PTPRN2: variants seen among roughly 807,000 people sequenced by gnomAD.
The protein encoded by PTPRN2 is receptor-type tyrosine-protein phosphatase N2.
Under a neutral mutation model 118.8 loss-of-function variants are expected in PTPRN2, and 74 were observed. That is an observed-to-expected ratio of 0.62 (90% CI 0.52 to 0.76). PTPRN2 has a LOEUF of 0.76. PTPRN2 is among the 30% of genes least tolerant of loss of function. The probability of loss-of-function intolerance (pLI) is 0.00; values close to 1 mark genes in which losing one functional copy is unlikely to be tolerated. For synonymous variants in PTPRN2, 641 were observed against 608.0 expected, an observed-to-expected ratio of 1.05 and a Z score of -0.80; for missense variants, 1,481 against 1,394.4, an observed-to-expected ratio of 1.06 and a Z score of -0.99.
chr7:158,284,351 CTGTG>C (rs1799632497), intron 3 of PTPRN2, among the ~76,000 whole-genome samples: 1 of 152,120 alleles, frequency 6.6e-6, no homozygotes, highest in Admixed American at 6.5e-5. Flanking sequence ...GCACTGGGCA[CTGTG>C]TGTGTGCCAG....
rs1796892218 is a variant in PTPRN2, at chr7:157,893,008, G to C, written c.1788+5665C>G. Reference sequence around the variant, plus strand: ...GGGCCCTCTGGGCACGATGTCCGTGGGGTCAAGAGCTCGAGAAGAACCATC... The same window carrying C: ...GGGCCCTCTGGGCACGATGTCCGTGCGGTCAAGAGCTCGAGAAGAACCATC... On this transcript the variant is annotated intron_variant, in intron 12 of 22. Coordinates refer to ENST00000389418, the MANE Select transcript of PTPRN2 (RefSeq NM_002847.5). The surrounding 1 kb of genome is among the most constrained non-coding windows in gnomAD (Gnocchi z 4.0). Among the ~76,000 whole-genome samples the C allele has an allele frequency of 6.6e-6, 1 of 152,240 alleles. No individual in the cohort carries two copies. The highest frequency in any genetic ancestry group is 2.1e-4 in the South Asian group (1 of 4,826).
intron 11 of PTPRN2, among the ~76,000 whole-genome samples, chr7:158,019,987 C>G (rs1806751582): frequency 6.6e-6 from 1 of 152,246 alleles, no homozygotes; most frequent in South Asian, 2.1e-4. Flanking sequence ...CGGTCCTGCT[C>G]CAAACCACAC....
intron 4 of PTPRN2, among the ~76,000 whole-genome samples, chr7:158,196,994 G>A (rs1388046096): frequency 1.3e-5 from 2 of 152,166 alleles, no homozygotes; most frequent in East Asian, 3.9e-4. Flanking sequence ...ATGAGTCAAG[G>A]AGCACCTGTA....
At chr7:158,501,597 G>A (rs1001503542) in intron 1 of PTPRN2, among the ~76,000 whole-genome samples, 1 of 152,186 alleles carries the variant, frequency 6.6e-6, no homozygotes, top group Non-Finnish European at 1.5e-5. Flanking sequence ...CGCAGGGGGG[G>A]ACCTCCTGCC....
intron 13 of PTPRN2, among the ~76,000 whole-genome samples, chr7:157,675,676 C>G (rs1312139088): frequency 1.3e-5 from 2 of 152,196 alleles, no homozygotes; most frequent in Non-Finnish European, 2.9e-5. Flanking sequence ...GAATCCAACA[C>G]CCATCCCAGC....
intron 1 of PTPRN2, among the ~76,000 whole-genome samples, chr7:158,535,560 G>A (rs1825598462): frequency 6.6e-6 from 1 of 152,082 alleles, no homozygotes; most frequent in Non-Finnish European, 1.5e-5. Context: ...AGCGGCTGGG[G>A]CTTTCTCTGG....
chr7:157,645,480 C>T (rs766580111), intron 14 of PTPRN2, among the ~76,000 whole-genome samples: 1 of 152,332 alleles, frequency 6.6e-6, no homozygotes, highest in East Asian at 1.9e-4. Flanking sequence ...CAATAAGCAT[C>T]CGCGATGACT....
At chr7:158,458,415 C>A (rs569051470) in intron 2 of PTPRN2, among the ~76,000 whole-genome samples, 1 of 152,182 alleles carries the variant, frequency 6.6e-6, no homozygotes, top group Non-Finnish European at 1.5e-5. Flanking sequence ...GAAATATTGA[C>A]ACTGGCCTCA....
intron 12 of PTPRN2, among the ~76,000 whole-genome samples, chr7:157,814,570 G>A (rs1806272533): frequency 8.3e-6 from 1 of 120,490 alleles, no homozygotes; most frequent in Non-Finnish European, 1.6e-5. Context: ...AGGAGAGACG[G>A]GGGGCAGGAG....
intron 11 of PTPRN2, among the ~76,000 whole-genome samples, chr7:158,052,721 T>G (rs1431221477): frequency 6.6e-6 from 1 of 150,732 alleles, no homozygotes. Context: ...GGGGTGCCCT[T>G]TGGACCTCCT....
chr7:157,675,275 G>A (rs751524443), intron 13 of PTPRN2, among the ~76,000 whole-genome samples: 14 of 152,210 alleles, frequency 9.2e-5, no homozygotes, highest in East Asian at 3.9e-4. Flanking sequence ...CCCTCCTGCC[G>A]AGCCCTCACC....
intron 12 of PTPRN2, among the ~76,000 whole-genome samples, chr7:157,778,439 A>G (rs563952424): frequency 6.6e-6 from 1 of 151,858 alleles, no homozygotes; most frequent in East Asian, 1.9e-4. Flanking sequence ...ATGCCCACGT[A>G]AACATGTACA....
intron 2 of PTPRN2, among the ~76,000 whole-genome samples, chr7:158,395,284 TGAGGGGTGAGGGGTGAGGGGC>T (rs1197340953): frequency 0.042 from 295 of 7,088 alleles, no homozygotes; most frequent in Middle Eastern, 0.071. Flanking sequence ...CCTGCACAAG[TGAGGGGTGAGGGGTGAGGGGC>T]GAGGGGTGAG....
At chr7:158,123,409 A>G (rs946870195) in intron 9 of PTPRN2, among the ~76,000 whole-genome samples, 1 of 152,124 alleles carries the variant, frequency 6.6e-6, no homozygotes, top group Non-Finnish European at 1.5e-5. Flanking sequence ...CCGACGCCGC[A>G]GTGACCGACA....
In PTPRN2 at chr7:157,814,616, A is replaced by G. The variant is rs1052918067; in HGVS notation, c.1788+84057T>C. 2.0e-5 allele frequency among the ~76,000 whole-genome samples: 3 copies of G among 151,802 alleles called. No individual in the cohort carries two copies. The South Asian group carries it at 6.3e-4, about 32-fold the overall frequency. ...GGGGCAGGGAGCCACGTCTTCTCCA[A>G]TCCCATATGGGGCCATCTGCCACCC... On this transcript the variant is annotated intron_variant, in intron 12 of 22. Transcript: ENST00000389418.
rs74389202 is a variant in PTPRN2, at chr7:158,552,369, C to T, written c.112+35189G>A. The stretch of plus-strand genomic sequence containing the variant: ...GGGGGGCCCCAGCTCCTAAGTCAGC[C>T]TGAGAAGATCAGTGAGAAAGGTGAC... On this transcript the variant is annotated intron_variant, in intron 1 of 22. Coordinates refer to ENST00000389418, the MANE Select transcript of PTPRN2 (RefSeq NM_002847.5). Among the ~76,000 whole-genome samples, 222 of 152,374 alleles carry T rather than the reference C, an allele frequency of 1.5e-3. 3 individuals carry two copies. In the East Asian group the frequency reaches 0.026, roughly 18 times the overall value.
intron 3 of PTPRN2, 110 bp from the exon 4 acceptor site, chr7:158,205,383 A>G (rs1216516015): frequency 1.4e-6 from 1 of 731,964 alleles, no homozygotes; most frequent in Non-Finnish European, 2.4e-6. Flanking sequence ...TGGTCCCATC[A>G]GCAAAGTAAG....
chr7:158,556,552 CA>C (rs10554373), intron 1 of PTPRN2, among the ~76,000 whole-genome samples: 37,752 of 116,346 alleles, frequency 0.32, 4,683 homozygotes, highest in South Asian at 0.47. Context: ...AACTCTGTTT[CA>C]AAAAAAAAAA....
intron 13 of PTPRN2, among the ~76,000 whole-genome samples, chr7:157,679,802 G>A (rs962962269): frequency 1.3e-5 from 2 of 152,180 alleles, no homozygotes; most frequent in South Asian, 4.1e-4. Context: ...GGCAACATGA[G>A]GGCCCCCCAG....
Sources: gnomAD v4.1 joint callset for allele counts (sites outside exome capture counted in the v4.1 genomes callset) on GRCh38, gnomAD v4.1.1 for gene constraint, Gnocchi (gnomAD v3.1) non-coding constraint, MANE v1.5 for transcripts, NCBI Gene and HGNC (gene_info 2026-07-23, HGNC 2026-07-21) for gene names.